Variants in VAV1 observed in about 807,000 individuals in gnomAD.
VAV1 encodes the protein proto-oncogene vav.
VAV1 carries 33 observed loss-of-function variants against 128.1 expected under a neutral mutation model. That is an observed-to-expected ratio of 0.26 (90% CI 0.20 to 0.34). VAV1 has a LOEUF of 0.34. VAV1 is among the 10% of genes least tolerant of loss of function. The pLI is 1.00. For missense variants in VAV1, 715 were observed against 1,093.7 expected, an observed-to-expected ratio of 0.65 and a Z score of 4.88; for synonymous variants, 394 against 409.8, an observed-to-expected ratio of 0.96 and a Z score of 0.47.
At chr19:6,780,578 T>C (rs1191777816) in intron 1 of VAV1, among the ~76,000 whole-genome samples, 1 of 148,148 alleles carries the variant, frequency 6.8e-6, no homozygotes, top group East Asian at 1.9e-4. Flanking sequence ...TTTTTCTTTT[T>C]TTTTTTTTTT....
chr19:6,800,016 GGCCAGTCACGGCGGCTCAT>G (rs1199475525), intron 1 of VAV1, among the ~76,000 whole-genome samples: 2 of 151,848 alleles, frequency 1.3e-5, no homozygotes, highest in Non-Finnish European at 2.9e-5. Context: ...AAACTTACCA[GGCCAGTCACGGCGGCTCAT>G]GCCTGTCATT....
intron 1 of VAV1, among the ~76,000 whole-genome samples, chr19:6,792,535 C>G (rs557055613): frequency 6.6e-6 from 1 of 152,018 alleles, no homozygotes; most frequent in African/African-American, 2.4e-5. Context: ...GAAGGCAGTA[C>G]AGCATAATGG....
rs1568288194 is a variant in VAV1 at position 6,794,077 on chromosome 19, T to TACCAATAAACCAACGGTAAATG, written c.204+21067_204+21068insCCAATAAACCAACGGTAAATGA. On this transcript the variant is annotated intron_variant, in intron 1 of 26. Transcript: ENST00000602142. ...ACCAATAAACCAACGGTAAATGATT[T>TACCAATAAACCAACGGTAAATG]ATTTACCAATAAACCAACGGTAAAT... Among the ~76,000 whole-genome samples, 9 of 95,520 alleles carry TACCAATAAACCAACGGTAAATG rather than the reference T, an allele frequency of 9.4e-5. 1 individual carries two copies. Among genetic ancestry groups the TACCAATAAACCAACGGTAAATG allele is most frequent in the African/African-American group, 3.8e-4 (8 of 20,902 alleles). The allele number at this position is 95,520 out of a possible 152,430, so 62.7% of individuals were successfully genotyped here.
At chr19:6,781,254 C>T (rs553289039) in intron 1 of VAV1, among the ~76,000 whole-genome samples, 307 of 152,288 alleles carry the variant, frequency 2.0e-3, no homozygotes, top group African/African-American at 6.4e-3. Flanking sequence ...TTTTGTCAAC[C>T]GAAGTGCTAG....
At chr19:6,855,385 C>T (rs1456187640) in intron 26 of VAV1, among the ~76,000 whole-genome samples, 6 of 152,090 alleles carry the variant, frequency 3.9e-5, no homozygotes, top group African/African-American at 1.4e-4. Context: ...TTCATCCATC[C>T]ATCCATCCAT....
intron 24 of VAV1, among the ~76,000 whole-genome samples, chr19:6,852,189 A>G (rs1972685713): frequency 6.6e-6 from 1 of 151,952 alleles, no homozygotes; most frequent in South Asian, 2.1e-4. Flanking sequence ...AATTGTTTAA[A>G]TCTTTTTTAG....
chr19:6,802,801 C>T (rs1321205313), intron 1 of VAV1, among the ~76,000 whole-genome samples: 5 of 152,080 alleles, frequency 3.3e-5, no homozygotes, highest in Non-Finnish European at 5.9e-5. Flanking sequence ...CTGTGTGGTC[C>T]GGGATGGGCA....
At chr19:6,786,804 A>G (rs1279618753) in intron 1 of VAV1, among the ~76,000 whole-genome samples, 5 of 152,060 alleles carry the variant, frequency 3.3e-5, no homozygotes, top group Non-Finnish European at 5.9e-5. Flanking sequence ...AAAACAAAAT[A>G]AAAATTATTT....
intron 20 of VAV1, 35 bp downstream of exon 20, chr19:6,836,603 A>G (rs1216094282): frequency 6.2e-7 from 1 of 1,610,788 alleles, no homozygotes; most frequent in Non-Finnish European, 8.5e-7. Flanking sequence ...ATGGGGTGGG[A>G]CCCAAGTGTA....
At chr19:6,850,990 T>G (rs73484458) in intron 24 of VAV1, among the ~76,000 whole-genome samples, 1,885 of 152,188 alleles carry the variant, frequency 0.012, 40 homozygotes, top group African/African-American at 0.043. Context: ...ATTTTTAAAT[T>G]TTATTTATAC....
chr19:6,785,717 T>C (rs371209609), intron 1 of VAV1, among the ~76,000 whole-genome samples: 7 of 150,450 alleles, frequency 4.7e-5, no homozygotes, highest in African/African-American at 1.7e-4. Context: ...TGGAGTGCAG[T>C]GGCACGATCT....
In VAV1 at chr19:6,822,584, T is replaced by A. The variant is rs1004110259; in HGVS notation, c.654+70T>A. The A allele has an allele frequency of 1.0e-5, 14 of 1,390,216 alleles. No individual in the cohort carries two copies. The highest frequency in any genetic ancestry group is 1.4e-5 in the African/African-American group (1 of 69,622). 86.1% of individuals were successfully genotyped at this position (1,390,216 alleles called of 1,614,324 possible). ...CTGGGCCGGCAGGTGCACGTCCACC[T>A]GTCCGGCCGCTCTGGGCAGCTGAGG... On this transcript the variant is annotated intron_variant, in intron 6 of 26. Transcript: ENST00000602142. This position sits in a 1 kb window ranked among gnomAD's most constrained non-coding sequence, Gnocchi z 5.9.
chr19:6,820,737 C>T lies in VAV1; in HGVS notation c.240C>T (p.Ser80=). The T allele has an allele frequency of 6.2e-7, 1 of 1,614,164 alleles. No individual in the cohort carries two copies. Among genetic ancestry groups the T allele is most frequent in the Admixed American group, 1.7e-5 (1 of 60,014 alleles). The change falls in exon 2 of 27, where the codon TCC becomes TCT. Residue 80 remains serine, a synonymous_variant. Transcript: ENST00000602142. The surrounding 1 kb of genome is among the most constrained non-coding windows in gnomAD (Gnocchi z 4.4). ...LCLKNIRTFL[S]TCCEKFGLKR... Reference sequence around the variant, plus strand: ...TTAAGAACATTAGAACCTTCCTGTCCACCTGCTGTGAGAAGTTCGGCCTCA... The same window carrying T: ...TTAAGAACATTAGAACCTTCCTGTCTACCTGCTGTGAGAAGTTCGGCCTCA...
intron 6 of VAV1, among the ~76,000 whole-genome samples, chr19:6,823,196 C>T (rs1971838847): frequency 6.7e-6 from 1 of 149,532 alleles, no homozygotes. Flanking sequence ...CAAGCTCTCG[C>T]TTTACTACAA....
At chr19:6,786,037 C>T (rs543661311) in intron 1 of VAV1, among the ~76,000 whole-genome samples, 2 of 152,146 alleles carry the variant, frequency 1.3e-5, no homozygotes, top group East Asian at 3.9e-4. Context: ...TTCCCATTCT[C>T]TTTCATGTTT....
At chr19:6,823,177 G>A (rs1009662584) in intron 6 of VAV1, among the ~76,000 whole-genome samples, 4 of 149,094 alleles carry the variant, frequency 2.7e-5, no homozygotes, top group Non-Finnish European at 5.9e-5. Flanking sequence ...CCAGGCTAGA[G>A]GGCAATGGCA....
At chr19:6,806,303 T>C (rs1285549022) in intron 1 of VAV1, among the ~76,000 whole-genome samples, 2 of 152,282 alleles carry the variant, frequency 1.3e-5, no homozygotes, top group East Asian at 3.9e-4. Context: ...GTCTGGCTGG[T>C]CTCGAACTCC....
intron 1 of VAV1, among the ~76,000 whole-genome samples, chr19:6,779,888 G>T (rs1402986861): frequency 6.7e-6 from 1 of 149,400 alleles, no homozygotes; most frequent in Non-Finnish European, 1.5e-5. Flanking sequence ...GAGGCGGGCG[G>T]ATCACAAGGT....
rs139700395 is a variant in VAV1 at position 6,820,139 on chromosome 19, C to T, written c.205-563C>T. 2.6e-3 allele frequency among the ~76,000 whole-genome samples: 393 copies of T among 152,266 alleles called. 3 individuals carry two copies. Among genetic ancestry groups the T allele is most frequent in the African/African-American group, 9.0e-3 (375 of 41,552 alleles). On this transcript the variant is annotated intron_variant, in intron 1 of 26. Transcript: ENST00000602142. The surrounding 1 kb of genome is among the most constrained non-coding windows in gnomAD (Gnocchi z 4.4). Reference sequence around the variant, plus strand: ...TTCAAGACCAGCCTGGGCAACATAGCGAGACCTCGTCTCTACAAAAAATAC... The same window carrying T: ...TTCAAGACCAGCCTGGGCAACATAGTGAGACCTCGTCTCTACAAAAAATAC...
Sources: gnomAD v4.1 joint callset for allele counts (sites outside exome capture counted in the v4.1 genomes callset) on GRCh38, gnomAD v4.1.1 for gene constraint, Gnocchi (gnomAD v3.1) non-coding constraint, MANE v1.5 for transcripts, NCBI Gene and HGNC (gene_info 2026-07-23, HGNC 2026-07-21) for gene names.